Variants in KCNK13 observed in about 807,000 individuals in gnomAD.
KCNK13 encodes the protein potassium channel subfamily K member 13.
Under a neutral mutation model 23.4 loss-of-function variants are expected in KCNK13, and 12 were observed. The observed-to-expected ratio is 0.51, with a 90% CI of 0.33 to 0.83. The LOEUF is 0.83. Among genes scored for constraint, KCNK13 ranks in the 40% least tolerant of loss-of-function variants. The pLI is 0.02. For missense variants in KCNK13, 463 were observed against 556.3 expected (o/e 0.83, Z 1.69); for synonymous variants, 231 against 229.5 (o/e 1.01, Z -0.06).
intron 1 of KCNK13, among the ~76,000 whole-genome samples, chr14:90,100,405 G>A (rs1889461094): frequency 6.6e-6 from 1 of 152,110 alleles, no homozygotes; most frequent in African/African-American, 2.4e-5. Flanking sequence ...CGTTCAACAA[G>A]CTACTTTTTG....
chr14:90,088,213 G>C (rs142076067), intron 1 of KCNK13, among the ~76,000 whole-genome samples: 28 of 152,206 alleles, frequency 1.8e-4, no homozygotes, highest in African/African-American at 6.7e-4. Flanking sequence ...ATGTTGCCCA[G>C]GCTGGCTTCT....
At chr14:90,154,672 T>TA (rs1430727684) in intron 1 of KCNK13, among the ~76,000 whole-genome samples, 1 of 152,240 alleles carries the variant, frequency 6.6e-6, no homozygotes, top group Non-Finnish European at 1.5e-5. Context: ...GAATGGCTTA[T>TA]AAAAAACCAA....
At chr14:90,099,765 TTAC>T (rs1266144498) in intron 1 of KCNK13, among the ~76,000 whole-genome samples, 3 of 152,146 alleles carry the variant, frequency 2.0e-5, no homozygotes, top group Admixed American at 2.0e-4. Context: ...GGTGAGGTGT[TTAC>T]AGAATTCTTC....
chr14:90,102,604 A>G (rs1030939876), intron 1 of KCNK13, among the ~76,000 whole-genome samples: 4 of 152,114 alleles, frequency 2.6e-5, no homozygotes, highest in East Asian at 1.9e-4. Flanking sequence ...ATGACCCCCT[A>G]TGAAATTCCT....
rs528617356 is a variant in KCNK13 at position 90,166,926 on chromosome 14, C to A, written c.335-17185C>A. The stretch of plus-strand genomic sequence containing the variant: ...TTAGACCTCATCTGGAACACCCTAT[C>A]CTCATTTTACCAAAGGGACAACCAG... On this transcript the variant is annotated intron_variant, in intron 1 of 1. Coordinates refer to ENST00000282146, the MANE Select transcript of KCNK13 (RefSeq NM_022054.4). 2.0e-5 allele frequency among the ~76,000 whole-genome samples: 3 copies of A among 152,210 alleles called. No individual in the cohort carries two copies. In the South Asian group the frequency reaches 6.2e-4, roughly 32 times the overall value.
At chr14:90,101,323 C>T (rs1364323589) in intron 1 of KCNK13, among the ~76,000 whole-genome samples, 1 of 152,154 alleles carries the variant, frequency 6.6e-6, no homozygotes, top group Non-Finnish European at 1.5e-5. Context: ...AGTCCCAGCA[C>T]GTCTCCACTC....
chr14:90,106,966 A>G (rs1889551186), intron 1 of KCNK13, among the ~76,000 whole-genome samples: 1 of 152,170 alleles, frequency 6.6e-6, no homozygotes, highest in African/African-American at 2.4e-5. Context: ...GGTTGCAGTG[A>G]GCTGAGATCG....
chr14:90,110,282 C>T (rs12147425), intron 1 of KCNK13, among the ~76,000 whole-genome samples: 10,333 of 152,076 alleles, frequency 0.068, 446 homozygotes, highest in South Asian at 0.15. Context: ...GAGGCCAAGA[C>T]GGGTGGATGA....
intron 1 of KCNK13, among the ~76,000 whole-genome samples, chr14:90,079,969 T>A (rs900701326): frequency 6.6e-6 from 1 of 152,098 alleles, no homozygotes; most frequent in Non-Finnish European, 1.5e-5. Flanking sequence ...AGCAGAAGAC[T>A]CTTTGCAGAT....
intron 1 of KCNK13, among the ~76,000 whole-genome samples, chr14:90,075,733 G>A (rs1889126866): frequency 1.3e-5 from 2 of 152,056 alleles, no homozygotes; most frequent in East Asian, 1.9e-4. Flanking sequence ...TGCCCACCTC[G>A]ACCTCCCAAA....
chr14:90,173,798 C>A (rs1422202499), intron 1 of KCNK13, among the ~76,000 whole-genome samples: 1 of 152,162 alleles, frequency 6.6e-6, no homozygotes, highest in African/African-American at 2.4e-5. Context: ...CAGGGGCTTA[C>A]AGATCATAGG....
Position 90,184,794 on chromosome 14 carries a change from C to T in KCNK13, c.1018C>T (p.Arg340Cys), listed in dbSNP as rs753652293. 7.4e-6 allele frequency: 12 copies of T among 1,612,438 alleles called. No homozygotes were observed. The highest frequency in any genetic ancestry group is 6.7e-5 in the Admixed American group (4 of 60,006). Residue 340 changes from arginine (R) to cysteine (C), a missense_variant, in exon 2 of 2, where the codon CGC (arginine) becomes TGC (cysteine). By Grantham distance (180) the Arg-to-Cys change is radical. This residue lies in a region of KCNK13 where 166 missense variants were observed against 178.8 expected (regional missense o/e 0.93). Transcript: ENST00000282146. The surrounding 1 kb of genome is among the most constrained non-coding windows in gnomAD (Gnocchi z 5.6). ...DGVAESDTDG[R>C]RLSGEMISMK... ...GGTGGCAGAGAGTGACACGGACGGG[C>T]GCCGGCTCTCAGGGGAGATGATCTC...
At chr14:90,181,211 CTATGTCTGTG>C (rs1270165007) in intron 1 of KCNK13, among the ~76,000 whole-genome samples, 1 of 152,188 alleles carries the variant, frequency 6.6e-6, no homozygotes, top group African/African-American at 2.4e-5. Context: ...GGGTCAAGGA[CTATGTCTGTG>C]TCATCTTCTT....
intron 1 of KCNK13, among the ~76,000 whole-genome samples, chr14:90,119,137 G>C (rs1889708436): frequency 6.6e-6 from 1 of 152,078 alleles, no homozygotes; most frequent in South Asian, 2.1e-4. Flanking sequence ...CTCCAAAATT[G>C]AATCAGTAAT....
chr14:90,142,540 G>A (rs747753198), intron 1 of KCNK13, among the ~76,000 whole-genome samples: 20 of 151,516 alleles, frequency 1.3e-4, no homozygotes, highest in Non-Finnish European at 2.5e-4. Context: ...GGATAGTCTC[G>A]ATCTCCTGAC....
intron 1 of KCNK13, among the ~76,000 whole-genome samples, chr14:90,117,029 A>G (rs1163293126): frequency 6.6e-6 from 1 of 152,238 alleles, no homozygotes; most frequent in Non-Finnish European, 1.5e-5. Flanking sequence ...GCACAGTAAG[A>G]GATTAACAAC....
At chr14:90,170,591 T>C (rs553873981) in intron 1 of KCNK13, among the ~76,000 whole-genome samples, 2 of 152,310 alleles carry the variant, frequency 1.3e-5, no homozygotes, top group Non-Finnish European at 2.9e-5. Flanking sequence ...TCTCTGAAGA[T>C]GATTTTGAGG....
intron 1 of KCNK13, among the ~76,000 whole-genome samples, chr14:90,168,301 G>T (rs759955760): frequency 2.7e-4 from 41 of 152,068 alleles, no homozygotes; most frequent in Non-Finnish European, 5.9e-4. Context: ...TGCCCAGGAG[G>T]TTGAGGCTGC....
chr14:90,143,167 C>T (rs865833192), intron 1 of KCNK13, among the ~76,000 whole-genome samples: 441 of 7,754 alleles, frequency 0.057, 8 homozygotes, highest in South Asian at 0.29. Context: ...TTCTTTCTTT[C>T]TTTCTTTCTT....
Sources: allele counts gnomAD v4.1 joint callset (sites outside exome capture counted in the v4.1 genomes callset), GRCh38; gene constraint gnomAD v4.1.1; regional missense constraint gnomAD v4.1.1; non-coding constraint Gnocchi (gnomAD v3.1); transcripts MANE v1.5; gene names NCBI Gene and HGNC (gene_info 2026-07-23, HGNC 2026-07-21).